ZFYVE16: variants seen among roughly 807,000 people sequenced by gnomAD.
ZFYVE16 encodes the protein zinc finger FYVE-type containing 16, also known as zinc finger FYVE domain-containing protein 16.
In ZFYVE16, 89 loss-of-function variants were observed where a neutral mutation model predicts 138.1. The ratio of observed to expected loss-of-function variants is 0.64; its 90% CI spans 0.54 to 0.77. The LOEUF (loss-of-function observed/expected upper bound fraction) is 0.77, where lower values mean the gene tolerates loss of function less well. ZFYVE16 is among the 30% of genes least tolerant of loss of function. The pLI, the probability that ZFYVE16 is intolerant of heterozygous loss-of-function variation, is 0.00. For synonymous variants in ZFYVE16, 596 were observed against 618.3 expected (o/e 0.96, Z 0.53); for missense variants, 1,793 against 1,786.7 (o/e 1.00, Z -0.06).
At chr5:80,442,610 T>C (rs1228503416) in intron 5 of ZFYVE16, among the ~76,000 whole-genome samples, 1 of 152,104 alleles carries the variant, frequency 6.6e-6, no homozygotes, top group Non-Finnish European at 1.5e-5. Flanking sequence ...TGGGCCATAG[T>C]GAATGAGTGG....
At chr5:80,445,201 T>A in intron 6 of ZFYVE16, 62 bp from the exon 7 acceptor site, 1 of 1,555,294 alleles carries the variant, frequency 6.4e-7, no homozygotes, top group Non-Finnish European at 8.7e-7. Flanking sequence ...CACAATCTTT[T>A]TGGCATTAAA....
At chr5:80,428,349 C>G (rs1011851657) in intron 2 of ZFYVE16, among the ~76,000 whole-genome samples, 1 of 152,200 alleles carries the variant, frequency 6.6e-6, no homozygotes, top group African/African-American at 2.4e-5. Context: ...TAAACAGGGT[C>G]TGGAGTAGAC....
chr5:80,415,132 C>G (rs1483837375), intron 1 of ZFYVE16, among the ~76,000 whole-genome samples: 2 of 152,128 alleles, frequency 1.3e-5, no homozygotes, highest in African/African-American at 4.8e-5. Flanking sequence ...CTATCCCTTT[C>G]TGTTCTGTTT....
intron 15 of ZFYVE16, among the ~76,000 whole-genome samples, chr5:80,467,632 ACT>A (rs1208871389): frequency 6.6e-6 from 1 of 152,148 alleles, no homozygotes; most frequent in African/African-American, 2.4e-5. Flanking sequence ...ACAAAAACAA[ACT>A]CTGTGAAGAA....
chr5:80,416,005 G>C (rs1209303869), intron 1 of ZFYVE16, among the ~76,000 whole-genome samples: 1 of 152,098 alleles, frequency 6.6e-6, no homozygotes, highest in Non-Finnish European at 1.5e-5. Context: ...CACTTGACTT[G>C]AGGTAGTGTT....
At chr5:80,464,276 G>A (rs1753449082) in intron 15 of ZFYVE16, among the ~76,000 whole-genome samples, 1 of 152,104 alleles carries the variant, frequency 6.6e-6, no homozygotes, top group Non-Finnish European at 1.5e-5. Flanking sequence ...ACAGCCTCAG[G>A]AAACTTATGA....
chr5:80,472,691 C>A, intron 15 of ZFYVE16, 70 bp from the exon 16 acceptor site: 1 of 1,425,440 alleles, frequency 7.0e-7, no homozygotes, highest in South Asian at 1.5e-5. Flanking sequence ...ATTTTGATAG[C>A]AAATTTTATG....
At chr5:80,443,435 A>C (rs1750943700) in intron 6 of ZFYVE16, 151 bp downstream of exon 6, 1 of 958,082 alleles carries the variant, frequency 1.0e-6, no homozygotes, top group Non-Finnish European at 1.5e-6. Flanking sequence ...AGGCTGGAAG[A>C]CTGGAAGAGC....
At chr5:80,440,320 G>A (rs1167919323) in intron 5 of ZFYVE16, 1 of 1,052,176 alleles carries the variant, frequency 9.5e-7, no homozygotes, top group East Asian at 7.6e-5. Context: ...ATTTGTTTTT[G>A]TCATCATCAT....
At chr5:80,430,242 T>G (rs1748793881) in intron 2 of ZFYVE16, among the ~76,000 whole-genome samples, 1 of 152,066 alleles carries the variant, frequency 6.6e-6, no homozygotes, top group African/African-American at 2.4e-5. Context: ...AAACTGTCTC[T>G]CAGACCACAG....
intron 1 of ZFYVE16, among the ~76,000 whole-genome samples, chr5:80,417,907 A>G (rs977552931): frequency 1.6e-4 from 24 of 152,178 alleles, no homozygotes; most frequent in African/African-American, 5.5e-4. Flanking sequence ...TAGTCTTCCA[A>G]AGCAGCTATA....
Position 80,481,236 on chromosome 5 carries a change from A to G in ZFYVE16, c.*3859A>G, listed in dbSNP as rs753326348. On this transcript the variant is annotated 3_prime_UTR_variant, in exon 19 of 19. Coordinates refer to ENST00000505560, the MANE Select transcript of ZFYVE16 (RefSeq NM_001284236.3). ...AGTGGCAGACATTGCAGGGCAGAACACTGGCAATGGGGAGGCTAACGCCCT... is the reference window on the plus strand; with the variant it reads ...AGTGGCAGACATTGCAGGGCAGAACGCTGGCAATGGGGAGGCTAACGCCCT... Among the ~76,000 whole-genome samples the G allele has an allele frequency of 5.3e-5, 8 of 152,152 alleles. No homozygotes were observed. Among genetic ancestry groups the G allele is most frequent in the Non-Finnish European group, 1.0e-4 (7 of 68,034 alleles).
rs199607808 is a variant in ZFYVE16, at chr5:80,438,774, C to A, written c.2089C>A (p.Pro697Thr). 2 of 1,614,074 alleles carry A rather than the reference C, an allele frequency of 1.2e-6. No individual in the cohort carries two copies. The highest frequency in any genetic ancestry group is 1.1e-5 in the South Asian group (1 of 91,076). ...ITCAIDSTADPQVSFNSNYID... is the reference protein window; with the variant it reads ...ITCAIDSTADTQVSFNSNYID... ...TTGTGCTATAGATTCTACAGCTGAT[C>A]CACAGGTTAGCTTCAACTCTAATTA... The change falls in exon 4 of 19, where the codon CCA (proline) becomes ACA (threonine). Residue 697 changes from proline (P) to threonine (T), a missense_variant. Pro to Thr is a conservative substitution (Grantham distance 38, BLOSUM62 -1). This residue lies in a region of ZFYVE16 where 1,295 missense variants were observed against 1,204.3 expected (regional missense o/e 1.08). Transcript: ENST00000505560.
intron 15 of ZFYVE16, among the ~76,000 whole-genome samples, chr5:80,470,092 TGTGTG>T (rs1754179627): frequency 1.6e-5 from 1 of 61,520 alleles, no homozygotes; most frequent in South Asian, 5.7e-4. Flanking sequence ...TGTGTGTGTG[TGTGTG>T]TGTATTTTTT....
intron 1 of ZFYVE16, among the ~76,000 whole-genome samples, chr5:80,409,015 C>G (rs996973426): frequency 1.3e-5 from 2 of 151,900 alleles, no homozygotes. Context: ...GATATTAAAC[C>G]GCATGCTTAG....
chr5:80,466,632 C>T (rs1412225889), intron 15 of ZFYVE16, among the ~76,000 whole-genome samples: 1 of 152,140 alleles, frequency 6.6e-6, no homozygotes, highest in East Asian at 1.9e-4. Flanking sequence ...CTTTTCCCTT[C>T]ATATACAGGC....
chr5:80,422,177 C>CAG lies in ZFYVE16; in HGVS notation c.-93-5314_-93-5313dup, dbSNP rs534556110. Among the ~76,000 whole-genome samples the CAG allele has an allele frequency of 6.2e-3, 951 of 152,274 alleles. 10 individuals carry two copies. Among genetic ancestry groups the CAG allele is most frequent in the African/African-American group, 0.021 (879 of 41,540 alleles). On this transcript the variant is annotated intron_variant, in intron 1 of 18. Coordinates refer to ENST00000505560, the MANE Select transcript of ZFYVE16 (RefSeq NM_001284236.3). Reference sequence around the variant, plus strand: ...CTGAGACTTTGCTGAAGTTGCTTATCAGCTTAAGGAGATTTTGGGCTGAGA... The same window carrying CAG: ...CTGAGACTTTGCTGAAGTTGCTTATCAGAGCTTAAGGAGATTTTGGGCTGAGA...
At chr5:80,449,468 C>T in intron 8 of ZFYVE16, 123 bp from the exon 9 acceptor site, 1 of 987,072 alleles carries the variant, frequency 1.0e-6, no homozygotes, top group South Asian at 1.6e-5. Context: ...TTTTATGAAA[C>T]ATGTTTGCTT....
chr5:80,446,019 C>T (rs1751309416), intron 7 of ZFYVE16, among the ~76,000 whole-genome samples: 1 of 151,766 alleles, frequency 6.6e-6, no homozygotes, highest in South Asian at 2.1e-4. Context: ...CCTCAGCCTC[C>T]GGAGTAGCTG....
Sources: gnomAD v4.1 joint callset for allele counts (sites outside exome capture counted in the v4.1 genomes callset) on GRCh38, gnomAD v4.1.1 for gene constraint, gnomAD v4.1.1 regional missense constraint, MANE v1.5 for transcripts, NCBI Gene and HGNC (gene_info 2026-07-23, HGNC 2026-07-21) for gene names.